Variants in LRIT3 observed in about 807,000 individuals in gnomAD.
LRIT3 encodes the protein leucine-rich repeat, immunoglobulin-like domain and transmembrane domain-containing protein 3.
Under a neutral mutation model 22.6 loss-of-function variants are expected in LRIT3, and 14 were observed. The ratio of observed to expected loss-of-function variants is 0.62; its 90% CI spans 0.41 to 0.97. LRIT3 has a LOEUF of 0.97. LRIT3 is among the 50% of genes least tolerant of loss of function. The pLI is 0.00. For missense variants in LRIT3, 783 were observed against 803.0 expected, an observed-to-expected ratio of 0.98 and a Z score of 0.30; for synonymous variants, 306 against 304.5, an observed-to-expected ratio of 1.01 and a Z score of -0.05.
intron 1 of LRIT3, among the ~76,000 whole-genome samples, chr4:109,850,423 C>CTTTCTTTCTTTCTTTCTT (rs1241268529): frequency 1.6e-4 from 1 of 6,136 alleles, no homozygotes; most frequent in African/African-American, 3.5e-4. Flanking sequence ...TCCTTCCTTC[C>CTTTCTTTCTTTCTTTCTT]TTTCTTTCTT....
At chr4:109,861,066 T>G (rs960825246) in intron 2 of LRIT3, among the ~76,000 whole-genome samples, 5 of 152,218 alleles carry the variant, frequency 3.3e-5, no homozygotes, top group African/African-American at 1.2e-4. Context: ...TTGAAATTGC[T>G]GGATTATAGA....
intron 2 of LRIT3, among the ~76,000 whole-genome samples, chr4:109,856,609 T>TAA (rs1734407897): frequency 6.6e-6 from 1 of 152,192 alleles, no homozygotes; most frequent in African/African-American, 2.4e-5. Context: ...TAAATGGCGT[T>TAA]TTACTGATTC....
Position 109,870,588 on chromosome 4 carries a change from A to T in LRIT3, c.1839A>T (p.Ser613=). The change falls in exon 4 of 4, where the codon TCA becomes TCT. Residue 613 remains serine (S), a synonymous_variant. Transcript: ENST00000594814. Reference sequence around the variant, plus strand: ...AAGTTTGCAAACTGCAATGTAAATCAGAACCTTTTTGGGAAGATGATTTGG... The same window carrying T: ...AAGTTTGCAAACTGCAATGTAAATCTGAACCTTTTTGGGAAGATGATTTGG... ...LYKVCKLQCK[S]EPFWEDDLAK... 1 of 1,613,872 alleles carries T rather than the reference A, an allele frequency of 6.2e-7. No homozygotes were observed. The highest frequency in any genetic ancestry group is 8.5e-7 in the Non-Finnish European group (1 of 1,179,786).
rs760891964 is a variant in LRIT3 at position 109,870,318 on chromosome 4, T to A, written c.1569T>A (p.Gly523=). 6 of 1,614,188 alleles carry A rather than the reference T, an allele frequency of 3.7e-6. No individual in the cohort carries two copies. The East Asian group carries it at 1.3e-4, about 36-fold the overall frequency. The change falls in exon 4 of 4, where the codon GGT becomes GGA. Residue 523 remains glycine (G), a synonymous_variant. Transcript: ENST00000594814. ...SAVTVLYSKY[G]GKDLLLLNAD... ...TGACTGTGTTGTATTCCAAGTATGG[T>A]GGGAAGGACCTGCTGCTGTTGAATG...
Position 109,848,136 on chromosome 4 carries a change from A to G in LRIT3, c.-66A>G. 5.2e-6 allele frequency: 4 copies of G among 764,016 alleles called. No individual in the cohort carries two copies. The South Asian group carries it at 2.7e-4, about 51-fold the overall frequency. 47.3% of individuals were successfully genotyped at this position (764,016 alleles called of 1,614,324 possible). ...CTAAATGGCTGTTTGTATTCCAGGC[A>G]TACCAGGTTCTGAATGCTTAGGATT... On this transcript the variant is annotated 5_prime_UTR_variant, in exon 1 of 4. Transcript: ENST00000594814.
rs545006414 is a variant in LRIT3 at position 109,851,484 on chromosome 4, T to A, written c.117-20T>A. On this transcript the variant is annotated intron_variant, in intron 1 of 3. Coordinates refer to ENST00000594814, the MANE Select transcript of LRIT3 (RefSeq NM_198506.5). ...TGTTGGAAAGTGAGTTTCCTCACAT[T>A]GTTCATGTTGTGACACTAGGTTGGT... 2.0e-6 allele frequency: 3 copies of A among 1,487,020 alleles called. No individual in the cohort carries two copies. The South Asian group carries it at 4.1e-5, about 20-fold the overall frequency. The allele number at this position is 1,487,020 out of a possible 1,614,324, so 92.1% of individuals were successfully genotyped here.
chr4:109,865,249 A>G, intron 2 of LRIT3: 7 of 1,571,964 alleles, frequency 4.5e-6, no homozygotes, highest in Non-Finnish European at 6.1e-6. Context: ...GTTGAGCCTC[A>G]TCAGGAACCC....
intron 2 of LRIT3, among the ~76,000 whole-genome samples, chr4:109,856,420 C>A (rs1233475403): frequency 6.6e-6 from 1 of 152,092 alleles, no homozygotes; most frequent in Non-Finnish European, 1.5e-5. Flanking sequence ...AACAAAATTA[C>A]CGATAGTGGA....
chr4:109,850,414 C>CTTTCTTTCTCTTT (rs1560588921), intron 1 of LRIT3, among the ~76,000 whole-genome samples: 1 of 11,764 alleles, frequency 8.5e-5, no homozygotes, highest in Non-Finnish European at 1.7e-4. Context: ...TTCCTTCCTT[C>CTTTCTTTCTCTTT]CTTCCTTCCT....
Position 109,870,925 on chromosome 4 carries a change from A to C in LRIT3, c.*136A>C. On this transcript the variant is annotated 3_prime_UTR_variant, in exon 4 of 4. Transcript: ENST00000594814. ...AAATGGAATGCTTTTAAGTATGTTT[A>C]AAAAATACCATGAGACCTCTGAACT... 1.2e-6 allele frequency: 1 copy of C among 849,216 alleles called. No individual in the cohort carries two copies. The highest frequency in any genetic ancestry group is 3.5e-5 in the South Asian group (1 of 28,422). 52.6% of individuals were successfully genotyped at this position (849,216 alleles called of 1,614,324 possible).
chr4:109,862,962 G>A (rs970662432), intron 2 of LRIT3, among the ~76,000 whole-genome samples: 1 of 152,122 alleles, frequency 6.6e-6, no homozygotes, highest in African/African-American at 2.4e-5. Context: ...ACAAAGTGTT[G>A]GGATTACAGG....
Position 109,869,789 on chromosome 4 carries a change from G to T in LRIT3, c.1040G>T (p.Gly347Val). The T allele has an allele frequency of 6.2e-7, 1 of 1,613,878 alleles. No individual in the cohort carries two copies. The highest frequency in any genetic ancestry group is 8.5e-7 in the Non-Finnish European group (1 of 1,179,786). ...SEAVVTVTVL[G>V]ITTTPIPPDT... ...GCTGTGGTTACTGTGACAGTGCTTG[G>T]CATTACCACAACTCCAATACCACCA... Residue 347 changes from glycine to valine, a missense_variant, in exon 4 of 4, where the codon GGC (glycine) becomes GTC (valine). Physicochemically the swap from Gly to Val is moderately radical, Grantham distance 109. Around this residue, in one of 2 missense-constraint regions of LRIT3, gnomAD observed 756 missense variants for 753.8 expected, o/e 1.00. Transcript: ENST00000594814.
intron 1 of LRIT3, among the ~76,000 whole-genome samples, chr4:109,851,057 G>T (rs1351018669): frequency 6.6e-6 from 1 of 152,134 alleles, no homozygotes; most frequent in Non-Finnish European, 1.5e-5. Context: ...TGCACTTTAA[G>T]TTGGACAGAA....
At chr4:109,869,075 C>T (rs1333212391) in intron 3 of LRIT3, among the ~76,000 whole-genome samples, 2 of 152,070 alleles carry the variant, frequency 1.3e-5, no homozygotes, top group Non-Finnish European at 2.9e-5. Context: ...TGCCAGTTTA[C>T]CTAAGTTAAA....
chr4:109,870,562 A>T lies in LRIT3; in HGVS notation c.1813A>T (p.Lys605Ter). The T allele has an allele frequency of 6.2e-7, 1 of 1,614,082 alleles. No homozygotes were observed. The highest frequency in any genetic ancestry group is 8.5e-7 in the Non-Finnish European group (1 of 1,179,948). The change falls in exon 4 of 4, where the codon AAA (lysine) becomes TAA (stop). Residue 605 changes from lysine to a stop codon, truncating the protein, a stop_gained. Transcript: ENST00000594814. LOFTEE classifies it high-confidence loss of function. ...ACCATTGATTTGTTTCTTGTTGTAC[A>T]AAGTTTGCAAACTGCAATGTAAATC... ...ILPLICFLLYKVCKLQCKSEP... is the reference protein window; with the variant it reads ...ILPLICFLLY
intron 2 of LRIT3, among the ~76,000 whole-genome samples, chr4:109,857,165 C>G (rs2125898687): frequency 6.6e-6 from 1 of 151,996 alleles, no homozygotes; most frequent in African/African-American, 2.4e-5. Context: ...ATCTTTCCTA[C>G]TAATAACATA....
chr4:109,849,874 A>C (rs994139230), intron 1 of LRIT3, among the ~76,000 whole-genome samples: 2 of 152,202 alleles, frequency 1.3e-5, no homozygotes, highest in African/African-American at 4.8e-5. Context: ...CGGCCTCCCA[A>C]AGTGCTGGGA....
intron 2 of LRIT3, among the ~76,000 whole-genome samples, chr4:109,854,187 A>G (rs935345532): frequency 3.9e-5 from 6 of 152,142 alleles, no homozygotes; most frequent in African/African-American, 1.4e-4. Flanking sequence ...CAGTATGGCC[A>G]TTTTCACAAT....
In LRIT3 at chr4:109,869,697, A is replaced by G. The variant is rs545573146; in HGVS notation, c.948A>G (p.Thr316=). The change falls in exon 4 of 4, where the codon ACA becomes ACG. Residue 316 remains threonine (T), a synonymous_variant. Coordinates refer to ENST00000594814, the MANE Select transcript of LRIT3 (RefSeq NM_198506.5). Reference sequence around the variant, plus strand: ...TCAGATGGTCCATAATGAGCTTGACAGGCATTTCTTCCAAAGACGCTGGGG... The same window carrying G: ...TCAGATGGTCCATAATGAGCTTGACGGGCATTTCTTCCAAAGACGCTGGGG... ...EGVRWSIMSL[T]GISSKDAGDY... is the part of the protein sequence containing the mutation. The G allele has an allele frequency of 1.9e-6, 3 of 1,597,420 alleles. No homozygotes were observed. In the African/African-American group the frequency reaches 4.0e-5, roughly 21 times the overall value.
Sources: gnomAD v4.1 joint callset for allele counts (sites outside exome capture counted in the v4.1 genomes callset) on GRCh38, gnomAD v4.1.1 for gene constraint, gnomAD v4.1.1 regional missense constraint, MANE v1.5 for transcripts, NCBI Gene and HGNC (gene_info 2026-07-23, HGNC 2026-07-21) for gene names.